Variants in SMYD3 observed in about 807,000 individuals in gnomAD.
The protein encoded by SMYD3 is SET and MYND domain containing 3, also known as histone-lysine N-methyltransferase SMYD3.
Under a neutral mutation model 57.7 loss-of-function variants are expected in SMYD3, and 36 were observed. That is an observed-to-expected ratio of 0.62 (90% CI 0.48 to 0.82). The LOEUF (loss-of-function observed/expected upper bound fraction) is 0.82, where lower values mean the gene tolerates loss of function less well. Ranked by LOEUF, SMYD3 falls within the 40% of genes least tolerant of loss-of-function variation. The pLI is 0.00. For synonymous variants in SMYD3, 211 were observed against 195.0 expected (o/e 1.08, Z -0.68); for missense variants, 515 against 538.8 (o/e 0.96, Z 0.44).
At chr1:246,503,987 A>T (rs199501075) in intron 1 of SMYD3, among the ~76,000 whole-genome samples, 2 of 23,604 alleles carry the variant, frequency 8.5e-5, no homozygotes, top group Non-Finnish European at 3.6e-4. Context: ...AAGTGATTTC[A>T]GGTTATAATT....
At chr1:245,997,278 G>C (rs1465026576) in intron 5 of SMYD3, among the ~76,000 whole-genome samples, 1 of 152,230 alleles carries the variant, frequency 6.6e-6, no homozygotes, top group African/African-American at 2.4e-5. Flanking sequence ...TCTCAGACAG[G>C]GGGGATGTCA....
chr1:245,871,639 T>C (rs916323032), intron 8 of SMYD3, among the ~76,000 whole-genome samples: 12 of 152,202 alleles, frequency 7.9e-5, no homozygotes, highest in Admixed American at 5.9e-4. Flanking sequence ...AGCCATAAGA[T>C]GTGGAACTGA....
At chr1:245,774,453 C>T (rs2185367) in intron 10 of SMYD3, among the ~76,000 whole-genome samples, 63,903 of 152,086 alleles carry the variant, frequency 0.42, 17,636 homozygotes, top group East Asian at 0.88. Flanking sequence ...AACTCCTCCT[C>T]TAGAATTCTA....
chr1:245,968,709 G>C (rs1372266907), intron 5 of SMYD3, among the ~76,000 whole-genome samples: 1 of 152,110 alleles, frequency 6.6e-6, no homozygotes, highest in African/African-American at 2.4e-5. Context: ...TCTATACAAT[G>C]GACACAATGG....
At chr1:246,421,678 A>C (rs1308031810) in intron 1 of SMYD3, among the ~76,000 whole-genome samples, 1 of 152,212 alleles carries the variant, frequency 6.6e-6, no homozygotes, top group Non-Finnish European at 1.5e-5. Context: ...AAAAACAGTA[A>C]AATAGAAGAG....
At chr1:246,062,196 G>A (rs896932907) in intron 5 of SMYD3, among the ~76,000 whole-genome samples, 2 of 61,088 alleles carry the variant, frequency 3.3e-5, no homozygotes, top group East Asian at 3.2e-4. Flanking sequence ...CTTAAAGATC[G>A]TCACCATTCA....
chr1:245,862,631 GC>G (rs67880050), intron 9 of SMYD3, among the ~76,000 whole-genome samples: 83,510 of 151,940 alleles, frequency 0.55, 26,391 homozygotes, highest in Non-Finnish European at 0.73. Context: ...CATTAAAGAG[GC>G]CCGAGATGGA....
chr1:246,201,738 C>G (rs745729724), intron 5 of SMYD3, among the ~76,000 whole-genome samples: 1 of 152,160 alleles, frequency 6.6e-6, no homozygotes, highest in Non-Finnish European at 1.5e-5. Context: ...TCAGGCCAGG[C>G]GCGGTGGCTC....
At chr1:245,769,758 G>C (rs2046264415) in intron 10 of SMYD3, among the ~76,000 whole-genome samples, 1 of 152,150 alleles carries the variant, frequency 6.6e-6, no homozygotes, top group Non-Finnish European at 1.5e-5. Flanking sequence ...CCTAATATCT[G>C]AGATTTCACT....
intron 5 of SMYD3, among the ~76,000 whole-genome samples, chr1:246,160,479 G>A (rs559986515): frequency 2.4e-4 from 37 of 152,306 alleles, no homozygotes; most frequent in African/African-American, 8.2e-4. Flanking sequence ...CAAAGCTCCT[G>A]CCAGTTCCTC....
intron 5 of SMYD3, among the ~76,000 whole-genome samples, chr1:246,162,540 T>C (rs1187095339): frequency 6.6e-6 from 1 of 152,250 alleles, no homozygotes; most frequent in Non-Finnish European, 1.5e-5. Context: ...AATTTTTGTT[T>C]GTGTTACCCC....
chr1:245,972,199 T>C (rs2058318473), intron 5 of SMYD3, among the ~76,000 whole-genome samples: 1 of 152,200 alleles, frequency 6.6e-6, no homozygotes, highest in African/African-American at 2.4e-5. Flanking sequence ...TAGATTAGAA[T>C]TGCACTCTAT....
chr1:246,072,778 C>T (rs2060481065), intron 5 of SMYD3, among the ~76,000 whole-genome samples: 1 of 148,398 alleles, frequency 6.7e-6, no homozygotes, highest in Admixed American at 6.8e-5. Context: ...AGATGGTAAA[C>T]TGCTTTCTCT....
chr1:245,796,017 C>T (rs896183438), intron 10 of SMYD3, among the ~76,000 whole-genome samples: 1 of 152,156 alleles, frequency 6.6e-6, no homozygotes, highest in Non-Finnish European at 1.5e-5. Flanking sequence ...GTCACAAGAT[C>T]GCCCAAACCA....
At chr1:246,259,210 GA>G (rs1248007927) in intron 5 of SMYD3, among the ~76,000 whole-genome samples, 1 of 152,122 alleles carries the variant, frequency 6.6e-6, no homozygotes, top group Non-Finnish European at 1.5e-5. Context: ...TGTCATATCT[GA>G]GTTTCCATTT....
chr1:246,005,377 G>A (rs1038979475), intron 5 of SMYD3, among the ~76,000 whole-genome samples: 22 of 152,316 alleles, frequency 1.4e-4, no homozygotes, highest in African/African-American at 1.4e-4. Context: ...TGGAGCCAAC[G>A]CTGTACTTGG....
intron 5 of SMYD3, among the ~76,000 whole-genome samples, chr1:246,106,170 G>A (rs1031931268): frequency 1.1e-4 from 17 of 152,142 alleles, no homozygotes; most frequent in African/African-American, 3.4e-4. Flanking sequence ...AATAAACCTC[G>A]GATGGGTTTA....
intron 5 of SMYD3, among the ~76,000 whole-genome samples, chr1:246,044,245 T>G (rs1446825891): frequency 6.6e-6 from 1 of 152,190 alleles, no homozygotes; most frequent in Non-Finnish European, 1.5e-5. Context: ...TAGTTCTCAG[T>G]GCAAATTATA....
chr1:245,920,587 C>A (rs10924388), intron 7 of SMYD3, among the ~76,000 whole-genome samples: 24,017 of 152,128 alleles, frequency 0.16, 2,504 homozygotes, highest in East Asian at 0.28. Context: ...CACCTGAGCT[C>A]CCCGACTTCA....
Sources: gnomAD v4.1 joint callset for allele counts (sites outside exome capture counted in the v4.1 genomes callset) on GRCh38, gnomAD v4.1.1 for gene constraint, MANE v1.5 for transcripts, NCBI Gene and HGNC (gene_info 2026-07-23, HGNC 2026-07-21) for gene names.